Variants in CACUL1 observed in about 807,000 individuals in gnomAD.
The protein encoded by CACUL1 is CDK2 associated cullin domain 1.
Under a neutral mutation model 45.2 loss-of-function variants are expected in CACUL1, and 13 were observed. The ratio of observed to expected loss-of-function variants is 0.29; its 90% CI spans 0.19 to 0.46. The LOEUF (loss-of-function observed/expected upper bound fraction) is 0.46, where lower values mean the gene tolerates loss of function less well. CACUL1 is among the 20% of genes least tolerant of loss of function. The pLI is 1.00. For synonymous variants in CACUL1, 197 were observed against 174.2 expected, an observed-to-expected ratio of 1.13 and a Z score of -1.03; for missense variants, 421 against 471.4, an observed-to-expected ratio of 0.89 and a Z score of 0.99.
intron 2 of CACUL1, 52 bp downstream of exon 2, chr10:118,730,232 C>CT: frequency 6.3e-7 from 1 of 1,592,600 alleles, no homozygotes; most frequent in Non-Finnish European, 8.6e-7. Flanking sequence ...ATTCAAGTGC[C>CT]TTGAACCTTA....
In CACUL1 at chr10:118,682,491, T is replaced by C. The variant is rs1845163000; in HGVS notation, c.*3637A>G. On this transcript the variant is annotated 3_prime_UTR_variant, in exon 9 of 9. Coordinates refer to ENST00000369151, the MANE Select transcript of CACUL1 (RefSeq NM_153810.5). ...CTTAAAAAGAGATTAACCAGGATTA[T>C]TTAAATACTATAATACAAGTGCTCC... The C allele has an allele frequency of 6.6e-6, 1 of 152,648 alleles. No homozygotes were observed. The highest frequency in any genetic ancestry group is 2.4e-5 in the African/African-American group (1 of 41,454). The allele number at this position is 152,648 out of a possible 1,614,324, so 9.5% of individuals were successfully genotyped here. A position where few individuals can be genotyped will look rare whatever the true frequency, so the allele number is the denominator to read the frequency against.
chr10:118,754,644 G>A lies in CACUL1; in HGVS notation c.119C>T (p.Pro40Leu), dbSNP rs773360813. The change falls in exon 1 of 9, where the codon CCG (proline) becomes CTG (leucine). Residue 40 changes from proline to leucine, a missense_variant. Coordinates refer to ENST00000369151, the MANE Select transcript of CACUL1 (RefSeq NM_153810.5). ...DGFRQPLPPP[P>L]PPSSIPAPAR... is the part of the protein sequence containing the mutation. ...AGGGGCCGGGATCGACGAGGGGGGCGGCGGAGGTGGCAGGGGCTGCCGGAA... is the reference window on the plus strand; with the variant it reads ...AGGGGCCGGGATCGACGAGGGGGGCAGCGGAGGTGGCAGGGGCTGCCGGAA... 8.1e-6 allele frequency: 13 copies of A among 1,605,874 alleles called. No homozygotes were observed. In the African/African-American group the frequency reaches 1.2e-4, roughly 15 times the overall value.
intron 3 of CACUL1, among the ~76,000 whole-genome samples, chr10:118,720,385 C>T (rs1447087632): frequency 2.6e-5 from 4 of 152,218 alleles, no homozygotes; most frequent in Non-Finnish European, 4.4e-5. Flanking sequence ...ACTTAGCAAA[C>T]AGTAACTTAC....
intron 1 of CACUL1, among the ~76,000 whole-genome samples, chr10:118,753,861 T>TAGAGAA (rs1408899107): frequency 5.3e-5 from 8 of 152,200 alleles, no homozygotes; most frequent in Non-Finnish European, 4.4e-5. Flanking sequence ...GATGCAAAAG[T>TAGAGAA]GTAACACAGT....
At chr10:118,736,908 G>A (rs1845745696) in intron 1 of CACUL1, among the ~76,000 whole-genome samples, 1 of 152,036 alleles carries the variant, frequency 6.6e-6, no homozygotes, top group Admixed American at 6.5e-5. Context: ...ACAGTAGCAT[G>A]TTGTACATAT....
Position 118,754,747 on chromosome 10 carries a change from C to G in CACUL1, c.16G>C (p.Glu6Gln). The G allele has an allele frequency of 6.3e-7, 1 of 1,592,124 alleles. No individual in the cohort carries two copies. Among genetic ancestry groups the G allele is most frequent in the Non-Finnish European group, 8.5e-7 (1 of 1,171,432 alleles). Residue 6 changes from glutamate (E) to glutamine (Q), a missense_variant, in exon 1 of 9, where the codon GAA becomes CAA. By Grantham distance (29) the Glu-to-Gln change is conservative. Coordinates refer to ENST00000369151, the MANE Select transcript of CACUL1 (RefSeq NM_153810.5). ...TCGTAGCTGCCCCCCTCCTCCTCTT[C>G]CATGCTTTCCTCCATCCTGCTGGCC... Reference protein sequence around the residue: MEESMEEEEGGSYEAM... With the variant: MEESMQEEEGGSYEAM...
chr10:118,733,231 G>A (rs1046205270), intron 1 of CACUL1, among the ~76,000 whole-genome samples: 2 of 152,108 alleles, frequency 1.3e-5, no homozygotes, highest in Non-Finnish European at 2.9e-5. Flanking sequence ...CAGAAACAGT[G>A]ACTGCTGATG....
Position 118,686,612 on chromosome 10 carries a change from T to A in CACUL1, c.1055A>T (p.Asp352Val). ...TCATTACTTACTATAAGCCAACTCA[T>A]CCCCAGCTCTCTTCCGGGACTGGTC... ...RGDQSRKRAG[D>V]ELAYNSSSAC... The change falls in exon 8 of 9, where the codon GAT becomes GTT. Residue 352 changes from aspartate (D) to valine (V), a missense_variant. Physicochemically the swap from Asp to Val is radical, Grantham distance 152. Around this residue, in one of 2 missense-constraint regions of CACUL1, gnomAD observed 208 missense variants for 298.4 expected, o/e 0.70. Coordinates refer to ENST00000369151, the MANE Select transcript of CACUL1 (RefSeq NM_153810.5). 1.2e-6 allele frequency: 2 copies of A among 1,613,288 alleles called. No homozygotes were observed. Among genetic ancestry groups the A allele is most frequent in the Non-Finnish European group, 1.7e-6 (2 of 1,179,326 alleles).
chr10:118,679,324 C>T lies in CACUL1; in HGVS notation c.*6804G>A, dbSNP rs1845129565. On this transcript the variant is annotated 3_prime_UTR_variant, in exon 9 of 9. Coordinates refer to ENST00000369151, the MANE Select transcript of CACUL1 (RefSeq NM_153810.5). Reference sequence around the variant, plus strand: ...TTCAAGTTCTTGTGCCTGAGCCACCCAAGCAGCTGGGATTACAGGTGTATG... The same window carrying T: ...TTCAAGTTCTTGTGCCTGAGCCACCTAAGCAGCTGGGATTACAGGTGTATG... The T allele has an allele frequency of 6.6e-6, 1 of 152,216 alleles. No homozygotes were observed. The highest frequency in any genetic ancestry group is 1.5e-5 in the Non-Finnish European group (1 of 68,050). 9.4% of individuals were successfully genotyped at this position (152,216 alleles called of 1,614,324 possible). A position where few individuals can be genotyped will look rare whatever the true frequency, so the allele number is the denominator to read the frequency against.
At chr10:118,716,785 C>T (rs113337152) in intron 3 of CACUL1, among the ~76,000 whole-genome samples, 1 of 152,010 alleles carries the variant, frequency 6.6e-6, no homozygotes, top group East Asian at 1.9e-4. Context: ...TGTATTTTTA[C>T]TAGAGACACG....
Position 118,685,673 on chromosome 10 carries a change from T to G in CACUL1, c.*455A>C, listed in dbSNP as rs964928316. 1 of 153,052 alleles carries G rather than the reference T, an allele frequency of 6.5e-6. No homozygotes were observed. The highest frequency in any genetic ancestry group is 1.5e-5 in the Non-Finnish European group (1 of 68,484). 9.5% of individuals were successfully genotyped at this position (153,052 alleles called of 1,614,324 possible). A position where few individuals can be genotyped will look rare whatever the true frequency, so the allele number is the denominator to read the frequency against. ...TGTTTTGGTTGTGGGTGAAAAATAC[T>G]GTACTGTAATGATCTGCTTGGTTTT... On this transcript the variant is annotated 3_prime_UTR_variant, in exon 9 of 9. Transcript: ENST00000369151.
intron 7 of CACUL1, among the ~76,000 whole-genome samples, chr10:118,690,533 TAAAG>T (rs1211877113): frequency 6.6e-6 from 1 of 151,898 alleles, no homozygotes; most frequent in Non-Finnish European, 1.5e-5. Context: ...GAAAGGTAAA[TAAAG>T]AGATGCCCTA....
rs145982090 is a variant in CACUL1, at chr10:118,752,224, T to A, written c.367+2172A>T. ...CTAAACAGTAGTAATGACAGGAGCA[T>A]CCTTATCTTGTTACGGATCTTAAAG... On this transcript the variant is annotated intron_variant, in intron 1 of 8. Coordinates refer to ENST00000369151, the MANE Select transcript of CACUL1 (RefSeq NM_153810.5). 4.9e-4 allele frequency among the ~76,000 whole-genome samples: 74 copies of A among 152,312 alleles called. 3 individuals are homozygous for A. In the East Asian group the frequency reaches 9.6e-3, roughly 20 times the overall value.
intron 3 of CACUL1, among the ~76,000 whole-genome samples, chr10:118,725,531 G>A (rs1281324870): frequency 6.6e-6 from 1 of 152,036 alleles, no homozygotes; most frequent in East Asian, 1.9e-4. Context: ...AAAAAATTAA[G>A]GCAAAAGATA....
At chr10:118,686,758 A>T in intron 7 of CACUL1, 117 bp from the exon 8 acceptor site, 1 of 732,242 alleles carries the variant, frequency 1.4e-6, no homozygotes, top group Non-Finnish European at 2.4e-6. Flanking sequence ...AAACCTATTT[A>T]AAAATACATA....
chr10:118,685,075 G>C lies in CACUL1; in HGVS notation c.*1053C>G, dbSNP rs1407168145. 1.3e-5 allele frequency: 2 copies of C among 152,128 alleles called. No individual in the cohort carries two copies. The highest frequency in any genetic ancestry group is 2.9e-5 in the Non-Finnish European group (2 of 68,028). 9.4% of individuals were successfully genotyped at this position (152,128 alleles called of 1,614,324 possible). A position where few individuals can be genotyped will look rare whatever the true frequency, so the allele number is the denominator to read the frequency against. ...ACTCAAATATAATGTTCAAATGACA[G>C]ACTTTTTTTAAGTAATTATCTCATT... On this transcript the variant is annotated 3_prime_UTR_variant, in exon 9 of 9. Transcript: ENST00000369151.
chr10:118,747,369 A>C (rs974172209), intron 1 of CACUL1, among the ~76,000 whole-genome samples: 12 of 152,176 alleles, frequency 7.9e-5, no homozygotes, highest in African/African-American at 2.9e-4. Context: ...TCATAAAGTT[A>C]AACGTATCAG....
intron 4 of CACUL1, 42 bp from the exon 5 acceptor site, chr10:118,701,450 G>T: frequency 8.9e-7 from 1 of 1,121,910 alleles, no homozygotes; most frequent in Non-Finnish European, 1.3e-6. Context: ...ATTAATTGGG[G>T]AAATGATTAG....
At chr10:118,726,329 T>C (rs1424609668) in intron 3 of CACUL1, 1 of 1,288,280 alleles carries the variant, frequency 7.8e-7, no homozygotes, top group Non-Finnish European at 1.0e-6. Flanking sequence ...TATGCTACTC[T>C]TTCCATTAGT....
Sources: allele counts gnomAD v4.1 joint callset (sites outside exome capture counted in the v4.1 genomes callset), GRCh38; gene constraint gnomAD v4.1.1; regional missense constraint gnomAD v4.1.1; transcripts MANE v1.5; gene names NCBI Gene and HGNC (gene_info 2026-07-23, HGNC 2026-07-21).